SOCS6: variants seen among roughly 807,000 people sequenced by gnomAD.
SOCS6 encodes the protein suppressor of cytokine signaling 6, also known as STAT induced STAT inhibitor-4.
Under a neutral mutation model 27.7 loss-of-function variants are expected in SOCS6, and 5 were observed. That is an observed-to-expected ratio of 0.18 (90% confidence interval 0.09 to 0.38). SOCS6 has a LOEUF of 0.38. SOCS6 is among the 10% of genes least tolerant of loss of function. The pLI is 1.00. For synonymous variants in SOCS6, 271 were observed against 260.0 expected (o/e 1.04, Z -0.41); for missense variants, 595 against 688.1 (o/e 0.86, Z 1.51).
chr18:70,306,062 A>C (rs2062367939), intron 1 of SOCS6, among the ~76,000 whole-genome samples: 1 of 151,830 alleles, frequency 6.6e-6, no homozygotes, highest in African/African-American at 2.4e-5. Flanking sequence ...ACATAGGGAG[A>C]CCCTGTCTCT....
chr18:70,306,643 G>C (rs2062371001), intron 1 of SOCS6, among the ~76,000 whole-genome samples: 1 of 152,032 alleles, frequency 6.6e-6, no homozygotes, highest in African/African-American at 2.4e-5. Flanking sequence ...GAGCGCAAAT[G>C]TCCTTGTCTT....
intron 1 of SOCS6, among the ~76,000 whole-genome samples, chr18:70,290,023 G>A (rs1054784230): frequency 6.6e-6 from 1 of 152,204 alleles, no homozygotes; most frequent in Non-Finnish European, 1.5e-5. Context: ...GGAATGAAGG[G>A]CCAGGTGGGA....
intron 1 of SOCS6, among the ~76,000 whole-genome samples, chr18:70,311,186 A>G (rs2062389408): frequency 6.6e-6 from 1 of 152,106 alleles, no homozygotes; most frequent in South Asian, 2.1e-4. Context: ...ATGTTCCCCA[A>G]TGTATTCTAC....
chr18:70,307,036 G>A (rs549115740), intron 1 of SOCS6, among the ~76,000 whole-genome samples: 11 of 152,318 alleles, frequency 7.2e-5, no homozygotes, highest in Non-Finnish European at 1.3e-4. Context: ...GTCTAGGCAG[G>A]AGGACTCTTT....
chr18:70,300,155 G>A (rs2062341974), intron 1 of SOCS6, among the ~76,000 whole-genome samples: 1 of 151,372 alleles, frequency 6.6e-6, no homozygotes, highest in Admixed American at 6.6e-5. Context: ...TTAAGACTTA[G>A]TCTCTCTCTC....
chr18:70,289,346 G>T (rs2062287637), intron 1 of SOCS6, among the ~76,000 whole-genome samples: 1 of 148,512 alleles, frequency 6.7e-6, no homozygotes, highest in South Asian at 2.1e-4. Flanking sequence ...AGTCCCGGGA[G>T]CGGGGACGCG....
At chr18:70,312,012 C>T (rs557891116) in intron 1 of SOCS6, among the ~76,000 whole-genome samples, 67 of 152,246 alleles carry the variant, frequency 4.4e-4, no homozygotes, top group African/African-American at 1.6e-3. Flanking sequence ...AATATTAGTA[C>T]TACTACTTTT....
chr18:70,320,551 A>G (rs1201943803), intron 1 of SOCS6, among the ~76,000 whole-genome samples: 1 of 152,210 alleles, frequency 6.6e-6, no homozygotes, highest in Non-Finnish European at 1.5e-5. Flanking sequence ...AGTGCAGTAC[A>G]GTAAGATATT....
rs539819371 is a variant in SOCS6 at position 70,293,053 on chromosome 18, C to A, written c.-127+3963C>A. Among the ~76,000 whole-genome samples, 513 of 152,246 alleles carry A rather than the reference C, an allele frequency of 3.4e-3. 1 individual carries two copies. The highest frequency in any genetic ancestry group is 4.5e-3 in the Non-Finnish European group (305 of 68,020). On this transcript the variant is annotated intron_variant, in intron 1 of 1. Transcript: ENST00000397942. ...TTTCTGCTGTTCCCCCGCCACCCCC[C>A]CCAAATAAGTTCTATGAGGGCAGAG...
intron 1 of SOCS6, among the ~76,000 whole-genome samples, chr18:70,292,504 G>A (rs1343945554): frequency 1.3e-5 from 2 of 152,120 alleles, no homozygotes; most frequent in Non-Finnish European, 2.9e-5. Flanking sequence ...ATGCCACCAT[G>A]CCCAGCTGAT....
chr18:70,321,507 T>G (rs1910992224), intron 1 of SOCS6, among the ~76,000 whole-genome samples: 1 of 124,056 alleles, frequency 8.1e-6, no homozygotes, highest in Non-Finnish European at 1.7e-5. Context: ...TTTTTTTTTG[T>G]ATTTTTAGTA....
At chr18:70,303,339 G>A (rs1017273598) in intron 1 of SOCS6, among the ~76,000 whole-genome samples, 1 of 152,066 alleles carries the variant, frequency 6.6e-6, no homozygotes, top group Non-Finnish European at 1.5e-5. Context: ...AAATTAGGAT[G>A]TTTCCAATTT....
chr18:70,318,818 C>T (rs1367093138), intron 1 of SOCS6, among the ~76,000 whole-genome samples: 3 of 151,744 alleles, frequency 2.0e-5, no homozygotes, highest in Non-Finnish European at 4.4e-5. Context: ...CGCCTATAAT[C>T]CCAGCTACTC....
chr18:70,312,176 A>G (rs2062393175), intron 1 of SOCS6, among the ~76,000 whole-genome samples: 2 of 152,220 alleles, frequency 1.3e-5, no homozygotes, highest in African/African-American at 2.4e-5. Context: ...GCCAGAATAT[A>G]GTACGTGAAC....
Position 70,325,493 on chromosome 18 carries a change from C to A in SOCS6, c.825C>A (p.Val275=). The A allele has an allele frequency of 6.2e-7, 1 of 1,614,098 alleles. No individual in the cohort carries two copies. The highest frequency in any genetic ancestry group is 8.5e-7 in the Non-Finnish European group (1 of 1,180,030). ...DESQVDQDLV[V]APEIFVDQSV... Reference sequence around the variant, plus strand: ...GTCAGGTAGACCAGGACCTAGTTGTCGCCCCAGAGATCTTCGTGGATCAGT... The same window carrying A: ...GTCAGGTAGACCAGGACCTAGTTGTAGCCCCAGAGATCTTCGTGGATCAGT... Residue 275 remains valine, a synonymous_variant, in exon 2 of 2, where the codon GTC becomes GTA. Coordinates refer to ENST00000397942, the MANE Select transcript of SOCS6 (RefSeq NM_004232.4). This position sits in a 1 kb window ranked among gnomAD's most constrained non-coding sequence, Gnocchi z 6.3.
In SOCS6 at chr18:70,327,963, T is replaced by C. The variant is rs920863519; in HGVS notation, c.*1687T>C. Reference sequence around the variant, plus strand: ...ATTACCAAGAAAAGGCACAATGCCATAATATTATGGTGTTATGGTATTTTG... The same window carrying C: ...ATTACCAAGAAAAGGCACAATGCCACAATATTATGGTGTTATGGTATTTTG... On this transcript the variant is annotated 3_prime_UTR_variant, in exon 2 of 2. Transcript: ENST00000397942. 1 of 167,024 alleles carries C rather than the reference T, an allele frequency of 6.0e-6. No homozygotes were observed. The highest frequency in any genetic ancestry group is 2.1e-4 in the South Asian group (1 of 4,830). 10.3% of individuals were successfully genotyped at this position (167,024 alleles called of 1,614,324 possible).
chr18:70,321,700 T>G (rs1430948541), intron 1 of SOCS6, among the ~76,000 whole-genome samples: 1 of 152,004 alleles, frequency 6.6e-6, no homozygotes, highest in Non-Finnish European at 1.5e-5. Context: ...TCTTCCTGTC[T>G]TCCAATAATT....
At chr18:70,301,410 G>A (rs1431998211) in intron 1 of SOCS6, among the ~76,000 whole-genome samples, 1 of 152,038 alleles carries the variant, frequency 6.6e-6, no homozygotes, top group Non-Finnish European at 1.5e-5. Flanking sequence ...GATGAGGAAT[G>A]AGAGAAAGAA....
intron 1 of SOCS6, among the ~76,000 whole-genome samples, chr18:70,294,279 C>CA (rs955847420): frequency 6.6e-6 from 1 of 151,790 alleles, no homozygotes; most frequent in African/African-American, 2.4e-5. Context: ...ACTATTAATT[C>CA]TTTTCTGTGT....
Sources: gnomAD v4.1 joint callset for allele counts (sites outside exome capture counted in the v4.1 genomes callset) on GRCh38, gnomAD v4.1.1 for gene constraint, Gnocchi (gnomAD v3.1) non-coding constraint, MANE v1.5 for transcripts, NCBI Gene and HGNC (gene_info 2026-07-23, HGNC 2026-07-21) for gene names.